SIGLEC12: variants seen among roughly 807,000 people sequenced by gnomAD.
SIGLEC12 encodes the protein sialic acid binding Ig like lectin 12.
Under a neutral mutation model 54.1 loss-of-function variants are expected in SIGLEC12, and 43 were observed. That is an observed-to-expected ratio of 0.80 (90% CI 0.62 to 1.03). SIGLEC12 has a LOEUF of 1.03. SIGLEC12 is among the 50% of genes least tolerant of loss of function. The pLI, the probability that SIGLEC12 is intolerant of heterozygous loss-of-function variation, is 0.00. For missense variants in SIGLEC12, 802 were observed against 735.2 expected (o/e 1.09, Z -1.05); for synonymous variants, 357 against 307.6 (o/e 1.16, Z -1.68).
At chr19:51,498,751 C>G (rs1477848050) in intron 4 of SIGLEC12, among the ~76,000 whole-genome samples, 4 of 152,202 alleles carry the variant, frequency 2.6e-5, no homozygotes, top group Non-Finnish European at 5.9e-5. Flanking sequence ...CAAACCAAGG[C>G]TCAGGACAGC....
chr19:51,491,506 C>T lies in SIGLEC12; in HGVS notation c.*135G>A, dbSNP rs984678508. ...AGTTTGGTCATCAGGCACGCATTTT[C>T]AGTTTGACAAGAGGAATAAGTTCTG... On this transcript the variant is annotated 3_prime_UTR_variant, in exon 8 of 8. Transcript: ENST00000291707. The T allele has an allele frequency of 3.0e-5, 26 of 856,162 alleles. No homozygotes were observed. In the African/African-American group the frequency reaches 4.1e-4, roughly 14 times the overall value. 53.0% of individuals were successfully genotyped at this position (856,162 alleles called of 1,614,324 possible).
At position 51,499,609 on chromosome 19, in the gene SIGLEC12, TG is replaced by T; in HGVS notation, c.915del (p.Thr306ArgfsTer39). 6.2e-7 allele frequency: 1 copy of T among 1,613,256 alleles called. No homozygotes were observed. The highest frequency in any genetic ancestry group is 8.5e-7 in the Non-Finnish European group (1 of 1,179,688). On this transcript the variant is annotated frameshift_variant, in exon 3 of 8. Transcript: ENST00000291707. LOFTEE classifies it high-confidence loss of function. The part of the protein sequence containing the change: ...VPWACEQGTP[P>X]TITWMGASVS... ...ACGGAGGCCCCCATCCAGGTGATCG[TG>T]GGGGGCGTCCCCTGTTCACAGGCCC...
At chr19:51,498,721 T>G (rs1990309576) in intron 4 of SIGLEC12, among the ~76,000 whole-genome samples, 1 of 152,216 alleles carries the variant, frequency 6.6e-6, no homozygotes, top group East Asian at 1.9e-4. Flanking sequence ...TCAAACCACC[T>G]CTGAGATCTT....
chr19:51,493,265 G>A (rs555173946), intron 7 of SIGLEC12, among the ~76,000 whole-genome samples: 10 of 152,258 alleles, frequency 6.6e-5, no homozygotes, highest in Non-Finnish European at 1.3e-4. Context: ...ACAGGACATC[G>A]TGCTTTCTGG....
At position 51,497,417 on chromosome 19, in the gene SIGLEC12, C is replaced by T. The variant is rs771612331; in HGVS notation, c.1434G>A (p.Thr478=). Residue 478 remains threonine, a synonymous_variant, in exon 6 of 8, where the codon ACG becomes ACA. Coordinates refer to ENST00000291707, the MANE Select transcript of SIGLEC12 (RefSeq NM_053003.4). The part of the protein sequence containing the change: ...TGKMRPISGV[T]LGAFGGAGAT... ...CTCCAGCTCCCCCGAATGCCCCTAG[C>T]GTCACTCCTGATATAGGCCTCATTT... 2.2e-5 allele frequency: 36 copies of T among 1,613,144 alleles called. No individual in the cohort carries two copies. Among genetic ancestry groups the T allele is most frequent in the Middle Eastern group, 1.7e-4 (1 of 6,052 alleles).
At chr19:51,494,912 G>C (rs1990183964) in intron 7 of SIGLEC12, among the ~76,000 whole-genome samples, 1 of 152,190 alleles carries the variant, frequency 6.6e-6, no homozygotes, top group Non-Finnish European at 1.5e-5. Flanking sequence ...ATCTAGAATA[G>C]TCAAATTCAT....
intron 7 of SIGLEC12, among the ~76,000 whole-genome samples, chr19:51,493,871 TC>T (rs1476009908): frequency 4.6e-5 from 7 of 152,190 alleles, no homozygotes; most frequent in African/African-American, 1.7e-4. Context: ...GCCAGAGGGA[TC>T]CCATGAAAAT....
chr19:51,500,691 C>T (rs1231623808), intron 1 of SIGLEC12, among the ~76,000 whole-genome samples: 1 of 151,946 alleles, frequency 6.6e-6, no homozygotes, highest in Non-Finnish European at 1.5e-5. Flanking sequence ...TCTGGACCAT[C>T]GTGGAGGTCC....
chr19:51,498,268 A>G lies in SIGLEC12; in HGVS notation c.1155T>C (p.Asn385=). The G allele has an allele frequency of 6.2e-7, 1 of 1,610,442 alleles. No individual in the cohort carries two copies. Among genetic ancestry groups the G allele is most frequent in the Non-Finnish European group, 8.5e-7 (1 of 1,177,570 alleles). ...GDGTASTTLR[N]GSALSVLEGQ... ...CCTCCAGGACTGAAAGGGCCGAGCC[A>G]TTCCTCAAGGTTGTGGATGCTGTAG... is the stretch of plus-strand genomic sequence containing the variant. The change falls in exon 5 of 8, where the codon AAT becomes AAC. Residue 385 remains asparagine, a synonymous_variant. Transcript: ENST00000291707.
intron 3 of SIGLEC12, 83 bp from the exon 4 acceptor site, chr19:51,499,300 G>A: frequency 6.3e-7 from 1 of 1,586,716 alleles, no homozygotes; most frequent in Non-Finnish European, 8.6e-7. Context: ...CATAAATGGG[G>A]AAGGTGGAGC....
chr19:51,492,588 G>A (rs1260686089), intron 7 of SIGLEC12, among the ~76,000 whole-genome samples: 1 of 152,164 alleles, frequency 6.6e-6, no homozygotes, highest in Non-Finnish European at 1.5e-5. Context: ...ATCGAGATGG[G>A]GAAATTATCC....
Position 51,499,911 on chromosome 19 carries a change from G to A in SIGLEC12, c.808+9C>T, listed in dbSNP as rs376851454. On this transcript the variant is annotated intron_variant, in intron 2 of 7. Coordinates refer to ENST00000291707, the MANE Select transcript of SIGLEC12 (RefSeq NM_053003.4). ...TCCCCTCTGGCTGGTCCTAGAGCCA[G>A]AGATTTACCTGTCACATGCACAGAG... 6.2e-6 allele frequency: 10 copies of A among 1,600,590 alleles called. No individual in the cohort carries two copies. The highest frequency in any genetic ancestry group is 8.5e-6 in the Non-Finnish European group (10 of 1,172,304).
rs747394312 is a variant in SIGLEC12, at chr19:51,491,603, T to C, written c.*38A>G. 8.1e-5 allele frequency: 129 copies of C among 1,599,406 alleles called. 1 individual carries two copies. The Admixed American group carries it at 2.1e-3, about 27-fold the overall frequency. On this transcript the variant is annotated 3_prime_UTR_variant, in exon 8 of 8. Coordinates refer to ENST00000291707, the MANE Select transcript of SIGLEC12 (RefSeq NM_053003.4). ...GTCTCGGGCTTCTTTGCTGCAGGGG[T>C]CGTGAGCCCTCAAACAGGCCTGAGT...
intron 7 of SIGLEC12, among the ~76,000 whole-genome samples, chr19:51,492,697 T>G (rs1990139011): frequency 6.6e-6 from 1 of 152,128 alleles, no homozygotes; most frequent in Admixed American, 6.5e-5. Context: ...CTGCTTGACT[T>G]GCAGACAGAG....
rs548707349 is a variant in SIGLEC12 at position 51,496,984 on chromosome 19, A to C, written c.1503-8T>G. On this transcript the variant is annotated splice_polypyrimidine_tract_variant and splice_region_variant and intron_variant, in intron 6 of 7. Coordinates refer to ENST00000291707, the MANE Select transcript of SIGLEC12 (RefSeq NM_053003.4). Reference sequence around the variant, plus strand: ...TTCCTGCAGGACCTCACTCTGAGTGAAGAGACCAGAGAGCCTTTCAGTGTG... The same window carrying C: ...TTCCTGCAGGACCTCACTCTGAGTGCAGAGACCAGAGAGCCTTTCAGTGTG... 2 of 1,612,876 alleles carry C rather than the reference A, an allele frequency of 1.2e-6. No individual in the cohort carries two copies. Among genetic ancestry groups the C allele is most frequent in the East Asian group, 4.5e-5 (2 of 44,874 alleles).
intron 7 of SIGLEC12, among the ~76,000 whole-genome samples, chr19:51,493,921 T>G (rs1229506186): frequency 6.6e-6 from 1 of 152,208 alleles, no homozygotes; most frequent in Non-Finnish European, 1.5e-5. Flanking sequence ...ACTCTCCAAA[T>G]GCTCACAGTG....
chr19:51,498,229 G>T lies in SIGLEC12; in HGVS notation c.1194C>A (p.His398Gln). ...ALSVLEGQSL[H>Q]LVCAVDSNPP... ...GATTGCTGTCGACAGCACAGACAAG[G>T]TGCAGGGACTGGCCCTCCAGGACTG... is the stretch of plus-strand genomic sequence containing the variant. Residue 398 changes from histidine to glutamine, a missense_variant, in exon 5 of 8, where the codon CAC becomes CAA. Transcript: ENST00000291707. 6.2e-7 allele frequency: 1 copy of T among 1,614,108 alleles called. No individual in the cohort carries two copies. Among genetic ancestry groups the T allele is most frequent in the South Asian group, 1.1e-5 (1 of 91,086 alleles).
At chr19:51,497,936 T>C in intron 5 of SIGLEC12, 82 bp downstream of exon 5, 1 of 1,563,990 alleles carries the variant, frequency 6.4e-7, no homozygotes, top group Non-Finnish European at 8.7e-7. Context: ...TGCTGTGGGT[T>C]GCAGGGAAAT....
At chr19:51,496,427 C>T (rs1036182962) in intron 7 of SIGLEC12, among the ~76,000 whole-genome samples, 4 of 152,178 alleles carry the variant, frequency 2.6e-5, no homozygotes, top group Non-Finnish European at 4.4e-5. Flanking sequence ...ATCGCACCAT[C>T]GCACTTCAGC....
Sources: allele counts gnomAD v4.1 joint callset (sites outside exome capture counted in the v4.1 genomes callset), GRCh38; gene constraint gnomAD v4.1.1; transcripts MANE v1.5; gene names NCBI Gene and HGNC (gene_info 2026-07-23, HGNC 2026-07-21).